RABGEF1: variants seen among roughly 807,000 people sequenced by gnomAD.
RABGEF1 encodes the protein RAB guanine nucleotide exchange factor 1, also known as rab5 GDP/GTP exchange factor.
RABGEF1 carries 26 observed loss-of-function variants against 57.3 expected under a neutral mutation model. That is an observed-to-expected ratio of 0.45 (90% CI 0.33 to 0.63). The LOEUF is 0.63. Among genes scored for constraint, RABGEF1 ranks in the 20% least tolerant of loss-of-function variants. The pLI is 0.02. For missense variants in RABGEF1, 464 were observed against 607.6 expected (o/e 0.76, Z 2.48); for synonymous variants, 185 against 210.7 (o/e 0.88, Z 1.06).
chr7:66,710,973 T>C (rs1438380136), intron 1 of RABGEF1, among the ~76,000 whole-genome samples: 2 of 150,318 alleles, frequency 1.3e-5, no homozygotes, highest in African/African-American at 4.9e-5. Flanking sequence ...CGAGACCCTG[T>C]CACTACAAAA....
intron 8 of RABGEF1, 143 bp from the exon 9 acceptor site, chr7:66,808,743 G>T: frequency 1.1e-6 from 1 of 923,648 alleles, no homozygotes; most frequent in South Asian, 1.9e-5. Flanking sequence ...AATTTTTGAG[G>T]CTGAAATACA....
chr7:66,779,520 A>T (rs574181001), intron 3 of RABGEF1, among the ~76,000 whole-genome samples: 2 of 152,140 alleles, frequency 1.3e-5, no homozygotes, highest in East Asian at 3.9e-4. Context: ...AAAGAAAAAA[A>T]AATTAAAAAA....
At chr7:66,711,762 A>C (rs377641774) in intron 1 of RABGEF1, among the ~76,000 whole-genome samples, 2 of 151,702 alleles carry the variant, frequency 1.3e-5, no homozygotes, top group African/African-American at 2.4e-5. Flanking sequence ...AATTTTTTGT[A>C]TTTTTAGTAG....
chr7:66,801,843 T>C (rs1787356932), intron 7 of RABGEF1, among the ~76,000 whole-genome samples: 1 of 152,188 alleles, frequency 6.6e-6, no homozygotes, highest in South Asian at 2.1e-4. Flanking sequence ...CAGTGGTTCT[T>C]AGCCAGGCAC....
chr7:66,697,688 G>C (rs890972654), intron 1 of RABGEF1, among the ~76,000 whole-genome samples: 6 of 152,140 alleles, frequency 3.9e-5, no homozygotes, highest in Non-Finnish European at 7.4e-5. Context: ...GGGGCTGGGG[G>C]AGGCGCAGAC....
chr7:66,798,418 A>G (rs1294713106), intron 6 of RABGEF1, among the ~76,000 whole-genome samples: 3 of 152,160 alleles, frequency 2.0e-5, no homozygotes, highest in Non-Finnish European at 4.4e-5. Context: ...CTAGATCTGT[A>G]TTGGAAGTTT....
chr7:66,696,052 A>G (rs1792281074), intron 1 of RABGEF1, among the ~76,000 whole-genome samples: 2 of 151,502 alleles, frequency 1.3e-5, no homozygotes, highest in Non-Finnish European at 2.9e-5. Context: ...TGGGCCTTAC[A>G]AGGGACTTTA....
At chr7:66,742,584 G>A (rs1799237463) in intron 1 of RABGEF1, among the ~76,000 whole-genome samples, 1 of 152,104 alleles carries the variant, frequency 6.6e-6, no homozygotes, top group Non-Finnish European at 1.5e-5. Context: ...AGGAGAGGAG[G>A]CCAGTAACTA....
chr7:66,781,158 A>G (rs529695995), intron 3 of RABGEF1, among the ~76,000 whole-genome samples: 1 of 151,922 alleles, frequency 6.6e-6, no homozygotes, highest in Non-Finnish European at 1.5e-5. Flanking sequence ...TATCTCCACT[A>G]TCAGCTTGTT....
At chr7:66,796,509 T>C (rs1407216509) in intron 5 of RABGEF1, among the ~76,000 whole-genome samples, 1 of 152,230 alleles carries the variant, frequency 6.6e-6, no homozygotes, top group Non-Finnish European at 1.5e-5. Context: ...TGTACACTGT[T>C]AGGTCCTGTC....
At chr7:66,758,910 TAATG>T (rs1311705433) in intron 1 of RABGEF1, among the ~76,000 whole-genome samples, 1 of 152,218 alleles carries the variant, frequency 6.6e-6, no homozygotes, top group Admixed American at 6.5e-5. Flanking sequence ...TTGGAACAAT[TAATG>T]ACTTCAAATC....
chr7:66,797,526 T>G lies in RABGEF1; in HGVS notation c.728+20T>G, dbSNP rs766306493. 1 of 1,601,216 alleles carries G rather than the reference T, an allele frequency of 6.2e-7. No individual in the cohort carries two copies. Among genetic ancestry groups the G allele is most frequent in the Admixed American group, 1.8e-5 (1 of 56,308 alleles). On this transcript the variant is annotated intron_variant, in intron 6 of 8. Coordinates refer to ENST00000284957, the MANE Select transcript of RABGEF1 (RefSeq NM_014504.3). ...AATCAGGTAGTTGCTTATTTTGTTT[T>G]GCTTTGTAGTTACTACCTTCTAATG...
chr7:66,796,577 G>A (rs1479380586), intron 5 of RABGEF1, among the ~76,000 whole-genome samples: 1 of 151,956 alleles, frequency 6.6e-6, no homozygotes, highest in Non-Finnish European at 1.5e-5. Flanking sequence ...GTTGGAAGAA[G>A]ATTTTTTTGT....
chr7:66,677,036 A>G, the RABGEF1 span, among the ~76,000 whole-genome samples: 3 of 152,182 alleles, frequency 2.0e-5, no homozygotes, highest in African/African-American at 7.2e-5. Flanking sequence ...GTTTTCTTCT[A>G]AGAGTTTTGT....
chr7:66,685,339 T>G (rs1387643853), intron 1 of RABGEF1, among the ~76,000 whole-genome samples: 1 of 152,020 alleles, frequency 6.6e-6, no homozygotes, highest in Non-Finnish European at 1.5e-5. Context: ...GTCTTGTATT[T>G]TAATCTTCTC....
At chr7:66,771,353 A>G (rs1241434566) in intron 1 of RABGEF1, among the ~76,000 whole-genome samples, 3 of 152,048 alleles carry the variant, frequency 2.0e-5, no homozygotes, top group Non-Finnish European at 4.4e-5. Context: ...GTTAGCCAGG[A>G]TACTCTCAAT....
At chr7:66,747,886 T>A (rs1800607927) in intron 1 of RABGEF1, among the ~76,000 whole-genome samples, 1 of 152,196 alleles carries the variant, frequency 6.6e-6, no homozygotes, top group Non-Finnish European at 1.5e-5. Context: ...CTTACAAAGA[T>A]ACGTGCGACA....
Position 66,765,663 on chromosome 7 carries a change from A to G in RABGEF1, c.-17-6220A>G, listed in dbSNP as rs536608078. On this transcript the variant is annotated intron_variant, in intron 1 of 8. Transcript: ENST00000284957. ...CATTCTGTAGACTGTCCTGATACTC[A>G]GACCACTTGATAGAAGGATCATGTC... 6.8e-4 allele frequency among the ~76,000 whole-genome samples: 103 copies of G among 152,330 alleles called. 1 individual carries two copies. Among genetic ancestry groups the G allele is most frequent in the African/African-American group, 2.4e-3 (100 of 41,564 alleles).
intron 2 of RABGEF1, among the ~76,000 whole-genome samples, chr7:66,724,249 A>G (rs1796353423): frequency 6.6e-6 from 1 of 151,812 alleles, no homozygotes; most frequent in African/African-American, 2.4e-5. Context: ...CTTCTACATA[A>G]TGTGTTATTT....
Sources: allele counts gnomAD v4.1 joint callset (sites outside exome capture counted in the v4.1 genomes callset), GRCh38; gene constraint gnomAD v4.1.1; transcripts MANE v1.5; gene names NCBI Gene and HGNC (gene_info 2026-07-23, HGNC 2026-07-21).